HEATR4: variants seen among roughly 807,000 people sequenced by gnomAD.
HEATR4 encodes the protein HEAT repeat-containing protein 4.
In HEATR4, 95 loss-of-function variants were observed where a neutral mutation model predicts 108.8. That is an observed-to-expected ratio of 0.87 (90% CI 0.74 to 1.04). The LOEUF is 1.04. Ranked by LOEUF, HEATR4 falls within the 50% of genes least tolerant of loss-of-function variation. The pLI, the probability that HEATR4 is intolerant of heterozygous loss-of-function variation, is 0.00. For missense variants in HEATR4, 1,152 were observed against 1,253.8 expected, an observed-to-expected ratio of 0.92 and a Z score of 1.23; for synonymous variants, 443 against 459.4, an observed-to-expected ratio of 0.96 and a Z score of 0.46.
chr14:73,561,226 C>T (rs187180332), upstream of HEATR4, among the ~76,000 whole-genome samples: 12 of 151,810 alleles, frequency 7.9e-5, no homozygotes, highest in African/African-American at 2.4e-4. Context: ...ATTAGCCAGG[C>T]GTAGTGGCAG....
At chr14:73,624,173 A>G in the HEATR4 span, among the ~76,000 whole-genome samples, 1 of 151,828 alleles carries the variant, frequency 6.6e-6, no homozygotes, top group Non-Finnish European at 1.5e-5. Context: ...CCCAGGCTGG[A>G]GTGCAGTGGT....
intron 3 of HEATR4, among the ~76,000 whole-genome samples, chr14:73,521,638 C>T (rs984956463): frequency 6.6e-6 from 1 of 152,202 alleles, no homozygotes; most frequent in Non-Finnish European, 1.5e-5. Flanking sequence ...CTCCAGTCTT[C>T]CCTCTAGCTA....
chr14:73,524,307 AAAAATATATAT>A (rs1396164047), intron 2 of HEATR4, among the ~76,000 whole-genome samples: 8 of 110,072 alleles, frequency 7.3e-5, no homozygotes, highest in African/African-American at 2.4e-4. Flanking sequence ...AAAAAAAAAA[AAAAATATATAT>A]ATATATATAT....
intron 6 of HEATR4, 71 bp downstream of exon 6, chr14:73,513,960 G>T: frequency 6.8e-7 from 1 of 1,478,998 alleles, no homozygotes; most frequent in South Asian, 1.1e-5. Context: ...TTCAAAGACT[G>T]AGAAAGCCTA....
chr14:73,579,614 CCTATGTTG>C, the HEATR4 span, among the ~76,000 whole-genome samples: 1 of 150,920 alleles, frequency 6.6e-6, no homozygotes, highest in Non-Finnish European at 1.5e-5. Context: ...ATGGGGTCTC[CCTATGTTG>C]CCCATGCTGG....
intron 10 of HEATR4, among the ~76,000 whole-genome samples, chr14:73,504,163 C>T (rs1278723408): frequency 4.6e-5 from 7 of 151,342 alleles, no homozygotes; most frequent in Non-Finnish European, 8.8e-5. Flanking sequence ...CTGCAACCTC[C>T]GCCTCCTGGG....
At chr14:73,629,038 A>T in the HEATR4 span, among the ~76,000 whole-genome samples, 1 of 149,606 alleles carries the variant, frequency 6.7e-6, no homozygotes, top group Non-Finnish European at 1.5e-5. Flanking sequence ...CTGAGCAACA[A>T]GAGCGAGAGT....
intron 17 of HEATR4, 89 bp from the exon 18 acceptor site, chr14:73,478,931 G>T: frequency 1.0e-6 from 1 of 960,598 alleles, no homozygotes; most frequent in South Asian, 1.8e-5. Context: ...TTGGCTATAG[G>T]GTGTCTCCTT....
intron 17 of HEATR4, among the ~76,000 whole-genome samples, chr14:73,485,661 C>G (rs1177772924): frequency 3.9e-5 from 6 of 152,086 alleles, no homozygotes; most frequent in Non-Finnish European, 5.9e-5. Flanking sequence ...TCACTTAGGG[C>G]AAGGAGTTCA....
the HEATR4 span, chr14:73,593,887 A>C: frequency 6.2e-7 from 1 of 1,612,280 alleles, no homozygotes; most frequent in African/African-American, 1.3e-5. Flanking sequence ...CGTATGCTAC[A>C]TGCTTCAACA....
At chr14:73,522,032 G>A (rs749984656) in intron 3 of HEATR4, among the ~76,000 whole-genome samples, 3 of 152,226 alleles carry the variant, frequency 2.0e-5, no homozygotes, top group Non-Finnish European at 4.4e-5. Context: ...AGCCAGGGAT[G>A]CTGCTTGCAT....
At chr14:73,568,557 C>T in the HEATR4 span, among the ~76,000 whole-genome samples, 1 of 147,860 alleles carries the variant, frequency 6.8e-6, no homozygotes, top group Non-Finnish European at 1.5e-5. Flanking sequence ...TAGTGAGACC[C>T]TGTCTCTCAA....
At chr14:73,586,400 GA>G in the HEATR4 span, among the ~76,000 whole-genome samples, 22,118 of 145,478 alleles carry the variant, frequency 0.15, 2,179 homozygotes, top group Non-Finnish European at 0.22. Flanking sequence ...GTCTCAAAAA[GA>G]AAAAAAAAAT....
chr14:73,592,308 G>A, the HEATR4 span: 1 of 1,611,310 alleles, frequency 6.2e-7, no homozygotes. Context: ...CCCCGAGCCT[G>A]GACGGCTGCT....
chr14:73,491,496 C>A (rs1384118501), intron 17 of HEATR4: 12 of 1,508,120 alleles, frequency 8.0e-6, no homozygotes, highest in Non-Finnish European at 1.1e-5. Flanking sequence ...GCCGTCCAGT[C>A]GTCCGGGGCC....
At chr14:73,632,830 T>G in the HEATR4 span, among the ~76,000 whole-genome samples, 65 of 122,702 alleles carry the variant, frequency 5.3e-4, no homozygotes, top group Non-Finnish European at 8.3e-4. Flanking sequence ...GGTGACAGAG[T>G]GAGACCCTGT....
intron 2 of HEATR4, among the ~76,000 whole-genome samples, chr14:73,524,310 A>AAAAAAAAATATATATATATATAT: frequency 1.8e-5 from 1 of 54,788 alleles, no homozygotes; most frequent in African/African-American, 8.8e-5. Flanking sequence ...AAAAAAAAAA[A>AAAAAAAAATATATATATATATAT]ATATATATAT....
At chr14:73,632,684 A>T in the HEATR4 span, among the ~76,000 whole-genome samples, 1 of 151,772 alleles carries the variant, frequency 6.6e-6, no homozygotes, top group African/African-American at 2.4e-5. Context: ...TCTCTACTAA[A>T]AATACAAAAA....
At chr14:73,503,037 G>A (rs756122377) in intron 10 of HEATR4, 24 bp from the exon 11 acceptor site, 16 of 1,535,198 alleles carry the variant, frequency 1.0e-5, no homozygotes, top group Admixed American at 5.0e-5. Context: ...TGATCATTAG[G>A]TATCATCACT....
Sources: allele counts gnomAD v4.1 joint callset (sites outside exome capture counted in the v4.1 genomes callset), GRCh38; gene constraint gnomAD v4.1.1; transcripts MANE v1.5; gene names NCBI Gene and HGNC (gene_info 2026-07-23, HGNC 2026-07-21).